Variants in RERG observed in about 807,000 individuals in gnomAD.
RERG encodes RAS like estrogen regulated growth inhibitor.
Under a neutral mutation model 23.2 loss-of-function variants are expected in RERG, and 25 were observed. The ratio of observed to expected loss-of-function variants is 1.08; its 90% CI spans 0.79 to 1.50. The LOEUF (loss-of-function observed/expected upper bound fraction) is 1.50. RERG is among the 40% of genes most tolerant of loss of function. The pLI is 0.00. For missense variants in RERG, 253 were observed against 250.1 expected (o/e 1.01, Z -0.08); for synonymous variants, 81 against 89.1 (o/e 0.91, Z 0.51).
At chr12:15,148,997 T>G (rs1269801725) in intron 2 of RERG, among the ~76,000 whole-genome samples, 6 of 151,272 alleles carry the variant, frequency 4.0e-5, no homozygotes, top group African/African-American at 1.5e-4. Flanking sequence ...GCCTCCCGAG[T>G]AGCTGGGACT....
intron 2 of RERG, among the ~76,000 whole-genome samples, chr12:15,154,039 C>CAG (rs2136109203): frequency 6.6e-6 from 1 of 152,206 alleles, no homozygotes; most frequent in East Asian, 1.9e-4. Flanking sequence ...AGGACAGAGG[C>CAG]AGGGAACAGA....
chr12:15,143,348 A>G (rs1864271760), intron 2 of RERG, among the ~76,000 whole-genome samples: 1 of 19,298 alleles, frequency 5.2e-5, no homozygotes, highest in Non-Finnish European at 1.3e-4. Context: ...ACATACACAC[A>G]TGTGTGTATG....
At chr12:15,215,491 TAGAA>T (rs1865428246) in intron 2 of RERG, among the ~76,000 whole-genome samples, 2 of 152,066 alleles carry the variant, frequency 1.3e-5, no homozygotes, top group African/African-American at 4.8e-5. Context: ...TGTGTGATGA[TAGAA>T]AGAAGTCTAA....
At chr12:15,221,169 TG>T in intron 1 of RERG, 25 bp downstream of exon 1, 1 of 152,218 alleles carries the variant, frequency 6.6e-6, no homozygotes, top group Admixed American at 6.5e-5. Flanking sequence ...CCGAAAGAGC[TG>T]CCTGGACACG....
rs1156302513 is a variant in RERG, at chr12:15,148,887, T to TTTTTTTTTTTG, written c.62-27769_62-27768insCAAAAAAAAAA. On this transcript the variant is annotated intron_variant, in intron 2 of 4. Coordinates refer to ENST00000256953, the MANE Select transcript of RERG (RefSeq NM_032918.3). ...TTTTTTTTTTTTTTTTTTTTTTTTTTAGACAGAGTCTAGCTCTGTCACCCA... is the reference window on the plus strand; with the variant it reads ...TTTTTTTTTTTTTTTTTTTTTTTTTTTTTTTTTTTTGAGACAGAGTCTAGCTCTGTCACCCA... Among the ~76,000 whole-genome samples the TTTTTTTTTTTG allele has an allele frequency of 5.8e-4, 40 of 69,500 alleles. 12 individuals are homozygous for TTTTTTTTTTTG. The highest frequency in any genetic ancestry group is 1.0e-3 in the Non-Finnish European group (33 of 32,656). The allele number at this position is 69,500 out of a possible 152,430, so 45.6% of individuals were successfully genotyped here.
At chr12:15,121,647 A>G (rs1369290693) in intron 2 of RERG, among the ~76,000 whole-genome samples, 1 of 152,240 alleles carries the variant, frequency 6.6e-6, no homozygotes, top group African/African-American at 2.4e-5. Context: ...CTGATAGAAT[A>G]CAGTCAGAGT....
At chr12:15,198,236 T>C (rs527860058) in intron 2 of RERG, among the ~76,000 whole-genome samples, 1 of 152,234 alleles carries the variant, frequency 6.6e-6, no homozygotes, top group Admixed American at 6.5e-5. Flanking sequence ...CCGCTCTCAA[T>C]GCACCCCTTT....
intron 2 of RERG, among the ~76,000 whole-genome samples, chr12:15,179,847 T>C (rs571370385): frequency 6.6e-6 from 1 of 152,276 alleles, no homozygotes; most frequent in Admixed American, 6.5e-5. Context: ...GCTTGCACAC[T>C]GCACAATGGG....
At chr12:15,195,551 CTGTGTGTGTGTGTGTG>C (rs71042238) in intron 2 of RERG, among the ~76,000 whole-genome samples, 40 of 128,228 alleles carry the variant, frequency 3.1e-4, no homozygotes, top group Admixed American at 8.5e-4. Flanking sequence ...GCAAGCTTGG[CTGTGTGTGTGTGTGTG>C]TGTGTGTGTG....
chr12:15,196,458 A>C (rs904539077), intron 2 of RERG, among the ~76,000 whole-genome samples: 13 of 152,130 alleles, frequency 8.5e-5, no homozygotes, highest in Admixed American at 6.6e-5. Context: ...AGTATTTCTC[A>C]AACAGATGCA....
At chr12:15,131,239 A>T (rs1483679339) in intron 2 of RERG, among the ~76,000 whole-genome samples, 2 of 152,192 alleles carry the variant, frequency 1.3e-5, no homozygotes, top group Non-Finnish European at 2.9e-5. Flanking sequence ...TCAGTCTTGA[A>T]GGTTAATAAA....
chr12:15,111,919 G>A (rs1001706617), intron 3 of RERG, among the ~76,000 whole-genome samples: 25 of 151,942 alleles, frequency 1.6e-4, no homozygotes, highest in Admixed American at 1.6e-3. Context: ...TAAGTGATCC[G>A]CCTGCCTTGG....
chr12:15,111,613 A>C (rs1179593223), intron 3 of RERG, among the ~76,000 whole-genome samples, 196 bp from the exon 4 acceptor site: 1 of 152,140 alleles, frequency 6.6e-6, no homozygotes, highest in Non-Finnish European at 1.5e-5. Flanking sequence ...ACCAAGTTCT[A>C]ACATGGGTGT....
intron 2 of RERG, among the ~76,000 whole-genome samples, chr12:15,202,482 T>C (rs1865231498): frequency 6.6e-6 from 1 of 151,792 alleles, no homozygotes; most frequent in Non-Finnish European, 1.5e-5. Context: ...CCAATCACCA[T>C]TCTATTTTCT....
chr12:15,197,461 G>A (rs560477611), intron 2 of RERG, among the ~76,000 whole-genome samples: 2 of 152,124 alleles, frequency 1.3e-5, no homozygotes, highest in Non-Finnish European at 2.9e-5. Context: ...GCACATATGA[G>A]TTCAGGTACC....
At chr12:15,218,474 T>G in intron 1 of RERG, among the ~76,000 whole-genome samples, 1 of 152,142 alleles carries the variant, frequency 6.6e-6, no homozygotes, top group South Asian at 2.1e-4. Flanking sequence ...CAAGAATCTT[T>G]CCTTAGGACA....
At chr12:15,110,461 T>A (rs1863586348) in intron 4 of RERG, among the ~76,000 whole-genome samples, 1 of 131,050 alleles carries the variant, frequency 7.6e-6, no homozygotes, top group African/African-American at 2.8e-5. Flanking sequence ...GGCCATTTTT[T>A]TCTTTTTTTT....
chr12:15,219,525 T>C (rs1865486984), intron 1 of RERG, among the ~76,000 whole-genome samples: 2 of 152,212 alleles, frequency 1.3e-5, no homozygotes, highest in Admixed American at 1.3e-4. Flanking sequence ...TCCAGTCCCA[T>C]ATTTTTGGCT....
At chr12:15,113,011 A>G (rs1356202843) in intron 3 of RERG, among the ~76,000 whole-genome samples, 1 of 152,222 alleles carries the variant, frequency 6.6e-6, no homozygotes, top group East Asian at 1.9e-4. Context: ...AAAAGATATG[A>G]CTCAGACTGA....
Sources: allele counts gnomAD v4.1 joint callset (sites outside exome capture counted in the v4.1 genomes callset), GRCh38; gene constraint gnomAD v4.1.1; transcripts MANE v1.5; gene names NCBI Gene and HGNC (gene_info 2026-07-23, HGNC 2026-07-21).